CCSER1: variants seen among roughly 807,000 people sequenced by gnomAD.
The protein encoded by CCSER1 is coiled-coil serine rich protein 1, also known as serine-rich coiled-coil domain-containing protein 1.
CCSER1 carries 41 observed loss-of-function variants against 82.0 expected under a neutral mutation model. That is an observed-to-expected ratio of 0.50 (90% CI 0.39 to 0.65). The LOEUF is 0.65. Ranked by LOEUF, CCSER1 falls within the 30% of genes least tolerant of loss-of-function variation. CCSER1 has a pLI of 0.00. For missense variants in CCSER1, 1,119 were observed against 1,064.2 expected (o/e 1.05, Z -0.72); for synonymous variants, 414 against 383.9 (o/e 1.08, Z -0.92).
chr4:90,604,843 A>G (rs930579193), intron 5 of CCSER1, among the ~76,000 whole-genome samples: 3 of 152,164 alleles, frequency 2.0e-5, no homozygotes, highest in African/African-American at 4.8e-5. Flanking sequence ...AGGTTTGTAA[A>G]CACACCAATC....
At chr4:90,230,533 T>C (rs1744266792) in intron 1 of CCSER1, among the ~76,000 whole-genome samples, 1 of 151,370 alleles carries the variant, frequency 6.6e-6, no homozygotes. Context: ...AGATCCAAAA[T>C]TGACACCCTA....
intron 10 of CCSER1, among the ~76,000 whole-genome samples, chr4:91,203,079 G>A (rs1381266576): frequency 6.6e-6 from 1 of 151,906 alleles, no homozygotes; most frequent in Non-Finnish European, 1.5e-5. Flanking sequence ...GAAATTGATT[G>A]AAATATGGTT....
intron 10 of CCSER1, among the ~76,000 whole-genome samples, chr4:91,181,282 C>A (rs1734009260): frequency 6.6e-6 from 1 of 152,212 alleles, no homozygotes; most frequent in Non-Finnish European, 1.5e-5. Context: ...GGATCCACAT[C>A]TGCAGACTAC....
chr4:91,074,919 A>AT (rs940415321), intron 9 of CCSER1, among the ~76,000 whole-genome samples: 6 of 151,910 alleles, frequency 3.9e-5, no homozygotes, highest in African/African-American at 1.5e-4. Flanking sequence ...TCCAATCTAT[A>AT]TTTTTTCAAT....
chr4:90,491,499 A>G (rs1768007126), intron 5 of CCSER1, among the ~76,000 whole-genome samples: 1 of 152,068 alleles, frequency 6.6e-6, no homozygotes, highest in African/African-American at 2.4e-5. Flanking sequence ...CTAATTGAAT[A>G]CCCTTTATTT....
intron 5 of CCSER1, among the ~76,000 whole-genome samples, chr4:90,519,602 A>G (rs1772804599): frequency 6.6e-6 from 1 of 151,996 alleles, no homozygotes; most frequent in Non-Finnish European, 1.5e-5. Flanking sequence ...TTTTATTTCT[A>G]AAACAGAGGC....
chr4:91,022,826 T>A (rs187916920), intron 9 of CCSER1, among the ~76,000 whole-genome samples: 147 of 152,348 alleles, frequency 9.6e-4, no homozygotes, highest in Middle Eastern at 3.4e-3. Flanking sequence ...AAGTGTCTGT[T>A]CATATCCTTC....
intron 6 of CCSER1, among the ~76,000 whole-genome samples, chr4:90,642,673 C>T (rs558151944): frequency 5.1e-4 from 78 of 152,050 alleles, no homozygotes; most frequent in African/African-American, 1.7e-3. Context: ...CTCATCTTTA[C>T]TAAAAATAAA....
intron 10 of CCSER1, among the ~76,000 whole-genome samples, chr4:91,529,260 C>T (rs1434352150): frequency 1.3e-5 from 2 of 152,068 alleles, no homozygotes; most frequent in East Asian, 3.9e-4. Flanking sequence ...TATAGAGGGG[C>T]ATTTATTTAT....
intron 1 of CCSER1, among the ~76,000 whole-genome samples, chr4:90,227,285 T>A (rs1362574603): frequency 6.6e-6 from 1 of 152,226 alleles, no homozygotes. Flanking sequence ...CTAAGAAAAC[T>A]TAGTGTGTTT....
At chr4:90,626,966 T>A (rs1723404865) in intron 5 of CCSER1, among the ~76,000 whole-genome samples, 1 of 152,218 alleles carries the variant, frequency 6.6e-6, no homozygotes, top group Non-Finnish European at 1.5e-5. Flanking sequence ...AAGTTACTTA[T>A]CTGTACTTTA....
intron 10 of CCSER1, among the ~76,000 whole-genome samples, chr4:91,501,726 T>C (rs988666199): frequency 6.6e-6 from 1 of 152,140 alleles, no homozygotes; most frequent in Non-Finnish European, 1.5e-5. Flanking sequence ...TCATCATTTG[T>C]GTTAGATAAC....
At chr4:90,845,846 A>T (rs796455780) in intron 8 of CCSER1, among the ~76,000 whole-genome samples, 8 of 151,688 alleles carry the variant, frequency 5.3e-5, no homozygotes, top group African/African-American at 1.9e-4. Flanking sequence ...TCTTGAGTTA[A>T]TTGTAAACTT....
chr4:90,874,433 C>G (rs1443967247), intron 8 of CCSER1, among the ~76,000 whole-genome samples: 5 of 121,622 alleles, frequency 4.1e-5, no homozygotes, highest in Admixed American at 7.6e-5. Flanking sequence ...AGTTTTTTTT[C>G]CCATAAAAAA....
chr4:91,357,888 T>G (rs372637441), intron 10 of CCSER1, among the ~76,000 whole-genome samples: 5 of 44,558 alleles, frequency 1.1e-4, no homozygotes, highest in Admixed American at 8.5e-4. Flanking sequence ...CCCCCCCCCC[T>G]TTTTTTTTTT....
chr4:91,112,464 C>T (rs1209711765), intron 10 of CCSER1: 5 of 152,206 alleles, frequency 3.3e-5, no homozygotes, highest in Non-Finnish European at 7.4e-5. Flanking sequence ...TGTACAGAGA[C>T]AGTGAATTGA....
rs1423950164 is a variant in CCSER1 at position 90,247,684 on chromosome 4, G to C, written c.-41-60560G>C. On this transcript the variant is annotated intron_variant, in intron 1 of 10. Coordinates refer to ENST00000509176, the MANE Select transcript of CCSER1 (RefSeq NM_001145065.2). Reference sequence around the variant, plus strand: ...ACCATCTTAGTATAATGTAAATCCAGACTAAACGTATAATTAGGAATATAT... The same window carrying C: ...ACCATCTTAGTATAATGTAAATCCACACTAAACGTATAATTAGGAATATAT... 2.0e-5 allele frequency among the ~76,000 whole-genome samples: 3 copies of C among 152,092 alleles called. No homozygotes were observed. In the East Asian group the frequency reaches 5.8e-4, roughly 29 times the overall value.
At chr4:90,183,077 TG>T (rs1248947649) in intron 1 of CCSER1, among the ~76,000 whole-genome samples, 1 of 152,156 alleles carries the variant, frequency 6.6e-6, no homozygotes, top group African/African-American at 2.4e-5. Context: ...ATGATTTTTC[TG>T]TAATTATTCT....
At chr4:90,895,358 T>C (rs1723555011) in intron 8 of CCSER1, among the ~76,000 whole-genome samples, 1 of 151,932 alleles carries the variant, frequency 6.6e-6, no homozygotes, top group Non-Finnish European at 1.5e-5. Flanking sequence ...AGCAAAATAT[T>C]TGATGATTGG....
Sources: gnomAD v4.1 joint callset for allele counts (sites outside exome capture counted in the v4.1 genomes callset) on GRCh38, gnomAD v4.1.1 for gene constraint, MANE v1.5 for transcripts, NCBI Gene and HGNC (gene_info 2026-07-23, HGNC 2026-07-21) for gene names.